Variants in MECOM observed in about 807,000 individuals in gnomAD.
The protein encoded by MECOM is histone-lysine N-methyltransferase MECOM.
MECOM carries 13 observed loss-of-function variants against 116.3 expected under a neutral mutation model. That is an observed-to-expected ratio of 0.11 (90% CI 0.07 to 0.18). MECOM has a LOEUF of 0.18. Among genes scored for constraint, MECOM ranks in the 10% least tolerant of loss-of-function variants. The pLI is 1.00. For missense variants in MECOM, 1,299 were observed against 1,509.0 expected, an observed-to-expected ratio of 0.86 and a Z score of 2.31; for synonymous variants, 528 against 535.2, an observed-to-expected ratio of 0.99 and a Z score of 0.19.
chr3:169,551,336 G>T (rs1761378856), intron 1 of MECOM, among the ~76,000 whole-genome samples: 1 of 147,890 alleles, frequency 6.8e-6, no homozygotes, highest in Non-Finnish European at 1.5e-5. Context: ...CAAAAGAGAA[G>T]ACAAGTAATA....
intron 1 of MECOM, among the ~76,000 whole-genome samples, chr3:169,659,355 C>CT (rs1475375618): frequency 3.3e-5 from 5 of 151,122 alleles, no homozygotes; most frequent in South Asian, 2.1e-4. Flanking sequence ...GCCTTTCTGC[C>CT]TCTACAGCTA....
At chr3:169,311,703 T>C (rs1718803872) in intron 2 of MECOM, among the ~76,000 whole-genome samples, 1 of 152,074 alleles carries the variant, frequency 6.6e-6, no homozygotes, top group Non-Finnish European at 1.5e-5. Context: ...TGTACTTTTG[T>C]TTTTCAAAAA....
chr3:169,599,014 A>G (rs1280645345), intron 1 of MECOM, among the ~76,000 whole-genome samples: 1 of 152,176 alleles, frequency 6.6e-6, no homozygotes, highest in African/African-American at 2.4e-5. Context: ...AACTACACTA[A>G]ATGCTTGCAC....
rs1323229604 is a variant in MECOM, at chr3:169,403,449, C to T, written c.38-21925G>A. 3.9e-5 allele frequency among the ~76,000 whole-genome samples: 6 copies of T among 152,176 alleles called. No individual in the cohort carries two copies. In the East Asian group the frequency reaches 1.2e-3, roughly 29 times the overall value. ...ACACCAATAAAATAGTGTCACAGAG[C>T]ACATACATATATTCTTCTACTTCCT... On this transcript the variant is annotated intron_variant, in intron 1 of 16. Coordinates refer to ENST00000651503, the MANE Select transcript of MECOM (RefSeq NM_004991.4).
chr3:169,440,209 T>C (rs899402425), intron 1 of MECOM, among the ~76,000 whole-genome samples: 1 of 99,736 alleles, frequency 1.0e-5, no homozygotes, highest in South Asian at 2.9e-4. Flanking sequence ...TTATGTTTTA[T>C]ATGTGTATAT....
chr3:169,271,654 T>C (rs1023711214), intron 2 of MECOM, among the ~76,000 whole-genome samples: 2 of 152,116 alleles, frequency 1.3e-5, no homozygotes, highest in African/African-American at 4.8e-5. Context: ...AAATACCTAA[T>C]GTAAATGACG....
chr3:169,613,236 TTTTA>T (rs777171552), intron 1 of MECOM, among the ~76,000 whole-genome samples: 101 of 152,218 alleles, frequency 6.6e-4, no homozygotes, highest in Non-Finnish European at 1.3e-3. Flanking sequence ...GACATGCTGG[TTTTA>T]TTTGTCAGTG....
chr3:169,203,482 C>G (rs937651619), intron 2 of MECOM, among the ~76,000 whole-genome samples: 5 of 152,002 alleles, frequency 3.3e-5, no homozygotes, highest in Admixed American at 3.3e-4. Context: ...AATTAATTTA[C>G]TAAAGTTCTT....
chr3:169,484,046 G>A, intron 1 of MECOM: 3 of 1,279,330 alleles, frequency 2.3e-6, no homozygotes, highest in Non-Finnish European at 3.3e-6. Flanking sequence ...TATAACTAAT[G>A]GAAAGTACAA....
At chr3:169,539,320 T>C (rs892837400) in intron 1 of MECOM, among the ~76,000 whole-genome samples, 12 of 152,190 alleles carry the variant, frequency 7.9e-5, no homozygotes, top group African/African-American at 2.7e-4. Flanking sequence ...GAGCCCTGAT[T>C]CCTTTAGGCC....
chr3:169,563,560 G>T (rs1341557857), intron 1 of MECOM, among the ~76,000 whole-genome samples: 1 of 152,110 alleles, frequency 6.6e-6, no homozygotes, highest in Non-Finnish European at 1.5e-5. Context: ...GGTAAATTTG[G>T]AAAGTGGAGC....
At chr3:169,583,105 C>T (rs1765315972) in intron 1 of MECOM, among the ~76,000 whole-genome samples, 1 of 152,202 alleles carries the variant, frequency 6.6e-6, no homozygotes, top group Non-Finnish European at 1.5e-5. Context: ...CTTAATCTCA[C>T]TGAGCCTCAG....
In MECOM at chr3:169,477,095, GTGTGTGTGTGTATATATATATA is replaced by G. The variant is rs1276751347; in HGVS notation, c.38-95593_38-95572del. 2.0e-4 allele frequency: 10 copies of G among 49,174 alleles called. No homozygotes were observed. The East Asian group carries it at 7.5e-3, about 37-fold the overall frequency. 3.0% of individuals were successfully genotyped at this position (49,174 alleles called of 1,614,324 possible). ...GGATAAGTAAGATGTGTGTGTGTGT[GTGTGTGTGTGTATATATATATA>G]TATATATATATATATATATATATAT... On this transcript the variant is annotated intron_variant, in intron 1 of 16. Coordinates refer to ENST00000651503, the MANE Select transcript of MECOM (RefSeq NM_004991.4).
At chr3:169,343,950 C>T (rs1169618974) in intron 2 of MECOM, among the ~76,000 whole-genome samples, 1 of 152,060 alleles carries the variant, frequency 6.6e-6, no homozygotes, top group African/African-American at 2.4e-5. Context: ...CAAAGTATTG[C>T]TTTTCTAATA....
chr3:169,371,234 T>C (rs1730051380), intron 2 of MECOM, among the ~76,000 whole-genome samples: 2 of 151,984 alleles, frequency 1.3e-5, no homozygotes, highest in Non-Finnish European at 2.9e-5. Flanking sequence ...TGGAGGATAT[T>C]ATGCTAAGTG....
Position 169,660,254 on chromosome 3 carries a change from T to A in MECOM, c.37+3082A>T, listed in dbSNP as rs374080882. Among the ~76,000 whole-genome samples the A allele has an allele frequency of 2.0e-5, 3 of 152,308 alleles. 1 individual carries two copies. The highest frequency in any genetic ancestry group is 7.2e-5 in the African/African-American group (3 of 41,556). Reference sequence around the variant, plus strand: ...GCTTTTGGTTTTCTTTTCTTAAAGATGGAAATAAAATTCAGGGGCGTTAGG... The same window carrying A: ...GCTTTTGGTTTTCTTTTCTTAAAGAAGGAAATAAAATTCAGGGGCGTTAGG... On this transcript the variant is annotated intron_variant, in intron 1 of 16. Transcript: ENST00000651503.
intron 1 of MECOM, among the ~76,000 whole-genome samples, chr3:169,436,336 C>T (rs996550304): frequency 6.6e-6 from 1 of 151,382 alleles, no homozygotes; most frequent in Non-Finnish European, 1.5e-5. Context: ...CCACAACCTC[C>T]GCCTCCCAGG....
At chr3:169,233,127 C>T (rs1156705696) in intron 2 of MECOM, among the ~76,000 whole-genome samples, 2 of 152,124 alleles carry the variant, frequency 1.3e-5, no homozygotes, top group African/African-American at 4.8e-5. Flanking sequence ...ATAGTGACGT[C>T]TGATACTGGT....
At chr3:169,328,746 A>G (rs547021294) in intron 2 of MECOM, among the ~76,000 whole-genome samples, 26 of 152,298 alleles carry the variant, frequency 1.7e-4, no homozygotes, top group Admixed American at 5.9e-4. Context: ...TTAGGACTAC[A>G]GGGCCTCGCT....
Sources: gnomAD v4.1 joint callset for allele counts (sites outside exome capture counted in the v4.1 genomes callset) on GRCh38, gnomAD v4.1.1 for gene constraint, MANE v1.5 for transcripts, NCBI Gene and HGNC (gene_info 2026-07-23, HGNC 2026-07-21) for gene names.